NLGN1: variants seen among roughly 807,000 people sequenced by gnomAD.
NLGN1 encodes neuroligin-1.
NLGN1 carries 12 observed loss-of-function variants against 65.5 expected under a neutral mutation model. That is an observed-to-expected ratio of 0.18 (90% CI 0.12 to 0.30). The LOEUF (loss-of-function observed/expected upper bound fraction) is 0.30. NLGN1 is among the 10% of genes least tolerant of loss of function. The probability of loss-of-function intolerance (pLI) is 1.00; values close to 1 mark genes in which losing one functional copy is unlikely to be tolerated. For missense variants in NLGN1, 750 were observed against 1,007.1 expected (o/e 0.74, Z 3.46); for synonymous variants, 350 against 359.5 (o/e 0.97, Z 0.30).
At chr3:173,617,629 G>T (rs1753316230) in intron 3 of NLGN1, among the ~76,000 whole-genome samples, 1 of 152,212 alleles carries the variant, frequency 6.6e-6, no homozygotes, top group African/African-American at 2.4e-5. Context: ...CAGTGGCTCA[G>T]AGTCTGACAG....
At chr3:173,572,259 G>C (rs1744778730) in intron 2 of NLGN1, among the ~76,000 whole-genome samples, 1 of 152,122 alleles carries the variant, frequency 6.6e-6, no homozygotes, top group Admixed American at 6.5e-5. Context: ...ACCAAATATT[G>C]GTATTTTTAC....
At chr3:173,606,806 ATACTT>A (rs1462447902) in intron 3 of NLGN1, among the ~76,000 whole-genome samples, 1 of 152,036 alleles carries the variant, frequency 6.6e-6, no homozygotes, top group Non-Finnish European at 1.5e-5. Flanking sequence ...AAAGCACACT[ATACTT>A]AAGAAGATGG....
chr3:173,733,068 G>A (rs1247636520), intron 3 of NLGN1, among the ~76,000 whole-genome samples: 1 of 151,724 alleles, frequency 6.6e-6, no homozygotes, highest in African/African-American at 2.4e-5. Flanking sequence ...GTTTAAATAC[G>A]AGATGGAAAT....
chr3:174,236,771 T>C (rs1741795858), intron 4 of NLGN1, among the ~76,000 whole-genome samples: 1 of 152,122 alleles, frequency 6.6e-6, no homozygotes, highest in African/African-American at 2.4e-5. Flanking sequence ...GTAACTGCAC[T>C]CTATTTAGTC....
At chr3:174,097,935 C>T (rs775238994) in intron 4 of NLGN1, among the ~76,000 whole-genome samples, 54 of 152,268 alleles carry the variant, frequency 3.5e-4, no homozygotes, top group Non-Finnish European at 7.1e-4. Flanking sequence ...ATTTAACTAA[C>T]TCGTGTAGCT....
chr3:173,820,164 G>T (rs2150526775), intron 4 of NLGN1, among the ~76,000 whole-genome samples: 1 of 138,696 alleles, frequency 7.2e-6, no homozygotes, highest in African/African-American at 2.7e-5. Context: ...GGGAGAGAGA[G>T]CGAGATTCAG....
At chr3:173,867,047 AGTCT>A (rs1411652935) in intron 4 of NLGN1, among the ~76,000 whole-genome samples, 3 of 152,188 alleles carry the variant, frequency 2.0e-5, no homozygotes, top group South Asian at 2.1e-4. Flanking sequence ...CCAACAGCAC[AGTCT>A]GTCTGTCTGT....
intron 4 of NLGN1, among the ~76,000 whole-genome samples, chr3:174,126,867 T>G (rs929589369): frequency 7.2e-5 from 11 of 152,080 alleles, no homozygotes; most frequent in African/African-American, 2.4e-4. Flanking sequence ...GAAGAGGAGA[T>G]TTCTTGGCTC....
At chr3:173,822,889 T>A (rs922018062) in intron 4 of NLGN1, among the ~76,000 whole-genome samples, 7 of 152,108 alleles carry the variant, frequency 4.6e-5, no homozygotes, top group African/African-American at 1.7e-4. Context: ...TCCCTTTTTT[T>A]CTTTTTTTGT....
At chr3:174,235,755 G>C (rs945356516) in intron 4 of NLGN1, among the ~76,000 whole-genome samples, 1 of 152,022 alleles carries the variant, frequency 6.6e-6, no homozygotes, top group Non-Finnish European at 1.5e-5. Flanking sequence ...ATCATAAAAG[G>C]CTTAAATCTA....
At chr3:173,586,167 C>G (rs1223618137) in intron 2 of NLGN1, among the ~76,000 whole-genome samples, 1 of 151,876 alleles carries the variant, frequency 6.6e-6, no homozygotes, top group Non-Finnish European at 1.5e-5. Flanking sequence ...AAATTTTAAA[C>G]TTGTAGACAT....
chr3:173,902,828 C>CA (rs113400922), intron 4 of NLGN1, among the ~76,000 whole-genome samples: 26 of 152,164 alleles, frequency 1.7e-4, no homozygotes, highest in African/African-American at 5.8e-4. Context: ...ATTCATTTAG[C>CA]AAAAATGCAT....
At chr3:174,292,788 AAAT>A in the NLGN1 span, among the ~76,000 whole-genome samples, 1 of 151,424 alleles carries the variant, frequency 6.6e-6, no homozygotes, top group Non-Finnish European at 1.5e-5. Flanking sequence ...ACAAAATTAG[AAAT>A]AATGAGTTAT....
chr3:174,007,129 C>T (rs767235435), intron 4 of NLGN1, among the ~76,000 whole-genome samples: 1 of 152,004 alleles, frequency 6.6e-6, no homozygotes, highest in Non-Finnish European at 1.5e-5. Context: ...GATGCATGCA[C>T]GCAGAGGAAA....
chr3:173,988,977 G>C (rs944855976), intron 4 of NLGN1, among the ~76,000 whole-genome samples: 1 of 152,072 alleles, frequency 6.6e-6, no homozygotes, highest in Non-Finnish European at 1.5e-5. Context: ...TTAGGATGCT[G>C]AAGGAAAGAT....
intron 4 of NLGN1, among the ~76,000 whole-genome samples, chr3:174,032,333 A>G (rs1730189709): frequency 6.6e-6 from 1 of 152,194 alleles, no homozygotes; most frequent in Non-Finnish European, 1.5e-5. Flanking sequence ...AAAATACTAG[A>G]CCACACACTG....
chr3:174,055,695 T>C (rs907488400), intron 4 of NLGN1, among the ~76,000 whole-genome samples: 5 of 152,060 alleles, frequency 3.3e-5, no homozygotes, highest in African/African-American at 1.2e-4. Context: ...AAACAGCTAG[T>C]GGAGTAGACA....
At chr3:173,621,523 G>A (rs1359456205) in intron 3 of NLGN1, among the ~76,000 whole-genome samples, 1 of 152,090 alleles carries the variant, frequency 6.6e-6, no homozygotes, top group Non-Finnish European at 1.5e-5. Context: ...TTTTGGGCAA[G>A]GAGCTGTGAT....
chr3:173,745,822 G>A (rs1346612309), intron 3 of NLGN1, among the ~76,000 whole-genome samples: 2 of 152,058 alleles, frequency 1.3e-5, no homozygotes, highest in Admixed American at 6.6e-5. Flanking sequence ...TTTTGACAAA[G>A]GATAATTTGA....
Sources: allele counts gnomAD v4.1 joint callset (sites outside exome capture counted in the v4.1 genomes callset), GRCh38; gene constraint gnomAD v4.1.1; transcripts MANE v1.5; gene names NCBI Gene and HGNC (gene_info 2026-07-23, HGNC 2026-07-21).